PPM1B: variants seen among roughly 807,000 people sequenced by gnomAD.
PPM1B encodes the protein protein phosphatase 1B.
A neutral mutation model predicts 43.0 loss-of-function variants in PPM1B; 22 were observed. That is an observed-to-expected ratio of 0.51 (90% CI 0.37 to 0.73). PPM1B has a LOEUF of 0.73. Among genes scored for constraint, PPM1B ranks in the 30% least tolerant of loss-of-function variants. The probability of loss-of-function intolerance (pLI) is 0.00; values close to 1 mark genes in which losing one functional copy is unlikely to be tolerated. For missense variants in PPM1B, 632 were observed against 584.2 expected (o/e 1.08, Z -0.84); for synonymous variants, 217 against 197.9 (o/e 1.10, Z -0.81).
intron 1 of PPM1B, among the ~76,000 whole-genome samples, chr2:44,198,819 GC>G (rs1239451753): frequency 6.6e-6 from 1 of 152,124 alleles, no homozygotes; most frequent in African/African-American, 2.4e-5. Flanking sequence ...TGGTCATAGG[GC>G]TGGTAAAAGT....
chr2:44,213,819 A>G (rs1395598555), intron 3 of PPM1B: 1 of 152,192 alleles, frequency 6.6e-6, no homozygotes, highest in Non-Finnish European at 1.5e-5. Context: ...TATCATTAAG[A>G]GGAGCTGTTT....
At chr2:44,234,670 G>C (rs950137317), downstream of PPM1B, 11 of 975,584 alleles carry the variant, frequency 1.1e-5, no homozygotes, top group Non-Finnish European at 7.3e-6. Context: ...CTATTCTCAA[G>C]TATTTTGGTC....
chr2:44,234,359 A>C, downstream of PPM1B: 1 of 536,972 alleles, frequency 1.9e-6, no homozygotes, highest in Non-Finnish European at 2.4e-6. Context: ...CCTCTACTAA[A>C]AATACAAAGA....
At chr2:44,195,504 C>G (rs1181048581) in intron 1 of PPM1B, among the ~76,000 whole-genome samples, 1 of 152,100 alleles carries the variant, frequency 6.6e-6, no homozygotes, top group Non-Finnish European at 1.5e-5. Context: ...AGCCACCATG[C>G]CCAGCCCAGA....
Position 44,199,318 on chromosome 2 carries a change from TA to T in PPM1B, c.-14-1863del, listed in dbSNP as rs1287209258. The stretch of plus-strand genomic sequence containing the variant: ...CTGTAGATCTCAAAAAAAAAAAAAA[TA>T]AAAATAAAAAAAAAAAAAATTGAGC... On this transcript the variant is annotated intron_variant, in intron 1 of 5. Coordinates refer to ENST00000282412, the MANE Select transcript of PPM1B (RefSeq NM_002706.6). 2.3e-4 allele frequency among the ~76,000 whole-genome samples: 16 copies of T among 69,126 alleles called. No individual in the cohort carries two copies. In the East Asian group the frequency reaches 5.7e-3, roughly 25 times the overall value. 45.3% of individuals were successfully genotyped at this position (69,126 alleles called of 152,430 possible).
chr2:44,197,922 A>G (rs1668738726), intron 1 of PPM1B, among the ~76,000 whole-genome samples: 2 of 152,298 alleles, frequency 1.3e-5, no homozygotes, highest in East Asian at 1.9e-4. Flanking sequence ...TTACTTTTCT[A>G]GTCGAAAGAG....
chr2:44,241,607 C>T lies in PPM1B; in HGVS notation n.1547-2621C>T, dbSNP rs1572769844. On this transcript the variant is annotated intron_variant and non_coding_transcript_variant, in intron 5 of 5. Coordinates refer to the PPM1B transcript ENST00000378540. ...ATTAGCCAGGCGTGGTGGTGTGCACCTGTAATCCCAGCTACCTGGGAGGCT... is the reference window on the plus strand; with the variant it reads ...ATTAGCCAGGCGTGGTGGTGTGCACTTGTAATCCCAGCTACCTGGGAGGCT... Among the ~76,000 whole-genome samples the T allele has an allele frequency of 2.5e-5, 3 of 121,194 alleles. 1 individual carries two copies. In the South Asian group the frequency reaches 9.7e-4, roughly 39 times the overall value. 79.5% of individuals were successfully genotyped at this position (121,194 alleles called of 152,430 possible). A position where few individuals can be genotyped will look rare whatever the true frequency, so the allele number is the denominator to read the frequency against.
chr2:44,238,779 GTAAC>G (rs1450201450), downstream of PPM1B, among the ~76,000 whole-genome samples: 4 of 152,002 alleles, frequency 2.6e-5, no homozygotes, highest in African/African-American at 4.8e-5. Context: ...ACTTCGGACT[GTAAC>G]TAATTTTAAA....
intron 3 of PPM1B, among the ~76,000 whole-genome samples, chr2:44,210,094 C>T (rs538269620): frequency 3.3e-5 from 5 of 152,106 alleles, no homozygotes; most frequent in South Asian, 4.1e-4. Context: ...ACTAATTCTC[C>T]CTTTTCGGGT....
intron 1 of PPM1B, among the ~76,000 whole-genome samples, chr2:44,185,523 G>C (rs767545630): frequency 2.0e-5 from 3 of 152,100 alleles, no homozygotes; most frequent in African/African-American, 7.2e-5. Flanking sequence ...TTGTTGAAAG[G>C]CTTGGAGAGG....
At chr2:44,195,392 G>C (rs540924216) in intron 1 of PPM1B, among the ~76,000 whole-genome samples, 3 of 151,580 alleles carry the variant, frequency 2.0e-5, no homozygotes, top group Non-Finnish European at 4.4e-5. Flanking sequence ...AATTTTTTTT[G>C]GTAGAGATAG....
At chr2:44,218,378 AC>A in intron 4 of PPM1B, 101 bp from the exon 5 acceptor site, 1 of 851,442 alleles carries the variant, frequency 1.2e-6, no homozygotes, top group East Asian at 2.6e-5. Flanking sequence ...TATAGAGTGT[AC>A]CAGTTACTTT....
At chr2:44,202,225 C>G (rs1668973370) in intron 2 of PPM1B, among the ~76,000 whole-genome samples, 180 bp downstream of exon 2, 1 of 152,172 alleles carries the variant, frequency 6.6e-6, no homozygotes. Flanking sequence ...TCCCAGCCTT[C>G]TAATTTGAAA....
intron 3 of PPM1B, chr2:44,213,851 G>A (rs1196196918): frequency 2.6e-5 from 4 of 152,116 alleles, no homozygotes; most frequent in African/African-American, 4.8e-5. Flanking sequence ...AATATTTAAT[G>A]ATAAATTGTA....
chr2:44,219,189 A>G (rs1372778066), intron 5 of PPM1B: 1 of 149,422 alleles, frequency 6.7e-6, no homozygotes, highest in Non-Finnish European at 1.5e-5. Context: ...ACCAGGAGAC[A>G]GAAGTGTCCT....
intron 1 of PPM1B, among the ~76,000 whole-genome samples, chr2:44,185,853 T>C (rs1050967101): frequency 2.6e-5 from 4 of 152,166 alleles, no homozygotes; most frequent in African/African-American, 9.7e-5. Context: ...TTCAAGCCCT[T>C]TTGAATGTCA....
At chr2:44,183,225 A>G (rs1356953051) in intron 1 of PPM1B, among the ~76,000 whole-genome samples, 3 of 152,202 alleles carry the variant, frequency 2.0e-5, no homozygotes. Context: ...GGAGGATATT[A>G]AAAACCTCTG....
chr2:44,241,857 CTT>C (rs397984437), intron 5 of PPM1B, among the ~76,000 whole-genome samples: 49 of 90,954 alleles, frequency 5.4e-4, no homozygotes, highest in Middle Eastern at 0.034. Flanking sequence ...AGAAAATAAT[CTT>C]TTTTTTTTTT....
chr2:44,172,914 T>A (rs1275506111), intron 1 of PPM1B, among the ~76,000 whole-genome samples: 7 of 152,204 alleles, frequency 4.6e-5, no homozygotes, highest in Non-Finnish European at 1.0e-4. Context: ...CTCTATTTTT[T>A]AAAAAATTCT....
Sources: gnomAD v4.1 joint callset for allele counts (sites outside exome capture counted in the v4.1 genomes callset) on GRCh38, gnomAD v4.1.1 for gene constraint, MANE v1.5 for transcripts, NCBI Gene and HGNC (gene_info 2026-07-23, HGNC 2026-07-21) for gene names.